The following RASAL2 variants were observed in gnomAD, a reference collection of about 807,000 sequenced individuals.
The protein encoded by RASAL2 is ras GTPase-activating protein nGAP.
RASAL2 carries 58 observed loss-of-function variants against 128.9 expected under a neutral mutation model. That is an observed-to-expected ratio of 0.45 (90% CI 0.36 to 0.56). The LOEUF (loss-of-function observed/expected upper bound fraction) is 0.56, where lower values mean the gene tolerates loss of function less well. Among genes scored for constraint, RASAL2 ranks in the 20% least tolerant of loss-of-function variants. The pLI is 0.00. For missense variants in RASAL2, 1,360 were observed against 1,601.6 expected, an observed-to-expected ratio of 0.85 and a Z score of 2.57; for synonymous variants, 561 against 580.8, an observed-to-expected ratio of 0.97 and a Z score of 0.49.
chr1:178,174,300 A>G (rs376582866), intron 1 of RASAL2, among the ~76,000 whole-genome samples: 1 of 151,918 alleles, frequency 6.6e-6, no homozygotes, highest in Non-Finnish European at 1.5e-5. Context: ...ATGTCTTTCT[A>G]TATCCTAATT....
At chr1:178,152,978 A>G (rs1212431744) in intron 1 of RASAL2, among the ~76,000 whole-genome samples, 4 of 152,168 alleles carry the variant, frequency 2.6e-5, no homozygotes, top group African/African-American at 9.7e-5. Context: ...CTAATATCCA[A>G]TAGATATTTA....
intron 1 of RASAL2, among the ~76,000 whole-genome samples, chr1:178,231,146 A>G (rs773436798): frequency 3.3e-5 from 5 of 151,732 alleles, no homozygotes; most frequent in Admixed American, 1.3e-4. Flanking sequence ...GCTGGCTGCA[A>G]CCAATTACTA....
At chr1:178,169,750 T>A (rs1661642756) in intron 1 of RASAL2, among the ~76,000 whole-genome samples, 1 of 152,054 alleles carries the variant, frequency 6.6e-6, no homozygotes. Context: ...TTAGAGCCTT[T>A]AAAATGAAGG....
At chr1:178,244,170 G>A (rs1403553730) in intron 1 of RASAL2, among the ~76,000 whole-genome samples, 1 of 152,182 alleles carries the variant, frequency 6.6e-6, no homozygotes, top group Non-Finnish European at 1.5e-5. Flanking sequence ...TAGTATTCAA[G>A]TGGGGATAGT....
intron 1 of RASAL2, among the ~76,000 whole-genome samples, chr1:178,110,356 A>G (rs1482933080): frequency 1.3e-5 from 2 of 151,910 alleles, no homozygotes; most frequent in African/African-American, 4.8e-5. Context: ...GAAGTTCCAT[A>G]TATAAAATGG....
At chr1:178,381,724 A>G (rs1672297801) in intron 3 of RASAL2, among the ~76,000 whole-genome samples, 2 of 152,186 alleles carry the variant, frequency 1.3e-5, no homozygotes, top group South Asian at 2.1e-4. Context: ...GAATAAATCT[A>G]CCATTATACC....
At chr1:178,135,496 T>TAAAAAAA (rs1207102103) in intron 1 of RASAL2, among the ~76,000 whole-genome samples, 8 of 116,346 alleles carry the variant, frequency 6.9e-5, no homozygotes, top group East Asian at 2.7e-4. Context: ...TGTCTCTTCA[T>TAAAAAAA]AAAAAAAAAA....
chr1:178,339,648 C>A (rs1669767312), intron 3 of RASAL2, among the ~76,000 whole-genome samples: 1 of 152,106 alleles, frequency 6.6e-6, no homozygotes, highest in African/African-American at 2.4e-5. Context: ...ATAGGTGAGG[C>A]CACTTTAGCC....
intron 9 of RASAL2, among the ~76,000 whole-genome samples, chr1:178,447,266 G>C (rs1290420932): frequency 6.6e-6 from 1 of 151,752 alleles, no homozygotes; most frequent in East Asian, 1.9e-4. Flanking sequence ...AGGCAGCAGT[G>C]AGCTATGGTC....
At chr1:178,427,481 CTT>C (rs1270616325) in intron 5 of RASAL2, among the ~76,000 whole-genome samples, 1 of 152,078 alleles carries the variant, frequency 6.6e-6, no homozygotes, top group African/African-American at 2.4e-5. Context: ...TCTACTTTTT[CTT>C]TGTCAAAAGA....
chr1:178,273,958 A>G (rs1666377396), intron 1 of RASAL2, among the ~76,000 whole-genome samples: 1 of 152,198 alleles, frequency 6.6e-6, no homozygotes, highest in Non-Finnish European at 1.5e-5. Context: ...GACGGATAAC[A>G]TTCTTTAGAG....
intron 5 of RASAL2, among the ~76,000 whole-genome samples, chr1:178,433,863 G>A (rs1676083634): frequency 6.7e-6 from 1 of 150,198 alleles, no homozygotes; most frequent in African/African-American, 2.5e-5. Context: ...GTTTCAGTGA[G>A]CTGAGATTGC....
At chr1:178,232,416 A>G (rs1664048246) in intron 1 of RASAL2, among the ~76,000 whole-genome samples, 1 of 152,220 alleles carries the variant, frequency 6.6e-6, no homozygotes, top group Non-Finnish European at 1.5e-5. Flanking sequence ...TTGGATTTAT[A>G]TAGCAAACTT....
At chr1:178,163,322 A>C (rs574848351) in intron 1 of RASAL2, among the ~76,000 whole-genome samples, 1 of 152,166 alleles carries the variant, frequency 6.6e-6, no homozygotes, top group African/African-American at 2.4e-5. Context: ...TATGATGTCC[A>C]GTTTTTCTTT....
At chr1:178,306,863 G>C (rs1420126671) in intron 3 of RASAL2, among the ~76,000 whole-genome samples, 3 of 116,876 alleles carry the variant, frequency 2.6e-5, no homozygotes, top group Non-Finnish European at 3.4e-5. Flanking sequence ...GGGGACTGTT[G>C]TGGGGTGGGG....
At chr1:178,301,614 A>T (rs780901426) in intron 3 of RASAL2, among the ~76,000 whole-genome samples, 2 of 151,618 alleles carry the variant, frequency 1.3e-5, no homozygotes, top group African/African-American at 4.8e-5. Context: ...TGTATTTTTA[A>T]TAGAGACAGG....
intron 5 of RASAL2, among the ~76,000 whole-genome samples, chr1:178,427,251 G>T (rs1013312280): frequency 6.6e-6 from 1 of 152,110 alleles, no homozygotes; most frequent in Non-Finnish European, 1.5e-5. Flanking sequence ...ACTAGGAAAT[G>T]ACTGAAAACA....
chr1:178,284,417 G>T (rs1368058002), intron 2 of RASAL2, among the ~76,000 whole-genome samples: 1 of 152,190 alleles, frequency 6.6e-6, no homozygotes, highest in Non-Finnish European at 1.5e-5. Context: ...GCTTTTTGAT[G>T]TATTCTGTAG....
intron 9 of RASAL2, among the ~76,000 whole-genome samples, chr1:178,447,243 G>GC (rs1257382100): frequency 6.6e-6 from 1 of 151,602 alleles, no homozygotes; most frequent in Non-Finnish European, 1.5e-5. Flanking sequence ...AACTGCTTGA[G>GC]CCCAGGAGTT....
Sources: allele counts gnomAD v4.1 joint callset (sites outside exome capture counted in the v4.1 genomes callset), GRCh38; gene constraint gnomAD v4.1.1; transcripts MANE v1.5; gene names NCBI Gene and HGNC (gene_info 2026-07-23, HGNC 2026-07-21).